Variants in ANKAR observed in about 807,000 individuals in gnomAD.
The protein encoded by ANKAR is ankyrin and armadillo repeat-containing protein.
Under a neutral mutation model 146.2 loss-of-function variants are expected in ANKAR, and 136 were observed. That is an observed-to-expected ratio of 0.93 (90% CI 0.81 to 1.07). The LOEUF is 1.07. Among genes scored for constraint, ANKAR ranks in the 50% least tolerant of loss-of-function variants. ANKAR has a pLI of 0.00. For missense variants in ANKAR, 1,567 were observed against 1,679.9 expected, an observed-to-expected ratio of 0.93 and a Z score of 1.18; for synonymous variants, 500 against 575.8, an observed-to-expected ratio of 0.87 and a Z score of 1.88.
At chr2:189,759,852 C>G (rs989554273) in intron 18 of ANKAR, among the ~76,000 whole-genome samples, 3 of 152,094 alleles carry the variant, frequency 2.0e-5, no homozygotes, top group African/African-American at 7.2e-5. Flanking sequence ...AGAAGGTCAG[C>G]AGATAAACAT....
intron 4 of ANKAR, chr2:189,692,860 G>T: frequency 3.2e-6 from 1 of 314,004 alleles, no homozygotes; most frequent in Non-Finnish European, 5.9e-6. Context: ...AATTGTTATT[G>T]CTTTTCTACC....
chr2:189,704,213 C>T (rs892101123), intron 7 of ANKAR, among the ~76,000 whole-genome samples: 2 of 150,988 alleles, frequency 1.3e-5, no homozygotes, highest in Non-Finnish European at 2.9e-5. Context: ...ATGATCTCTG[C>T]TCACTACAAC....
intron 2 of ANKAR, 30 bp downstream of exon 2, chr2:189,677,121 T>A: frequency 7.0e-7 from 1 of 1,428,336 alleles, no homozygotes; most frequent in South Asian, 1.5e-5. Context: ...CTTAAATTTT[T>A]TTTTTTTTTT....
intron 19 of ANKAR, among the ~76,000 whole-genome samples, 167 bp from the exon 20 acceptor site, chr2:189,741,175 T>TG (rs759923605): frequency 1.2e-4 from 18 of 152,230 alleles, no homozygotes; most frequent in Non-Finnish European, 2.4e-4. Context: ...ACTGTAATTT[T>TG]GGGGAGTTTA....
rs766643526 is a variant in ANKAR at position 189,689,942 on chromosome 2, T to G, written c.1017T>G (p.Ser339Arg). 3 of 1,523,770 alleles carry G rather than the reference T, an allele frequency of 2.0e-6. No homozygotes were observed. The East Asian group carries it at 6.9e-5, about 35-fold the overall frequency. 94.4% of individuals were successfully genotyped at this position (1,523,770 alleles called of 1,614,324 possible). The change falls in exon 3 of 23, where the codon AGT becomes AGG. Residue 339 changes from serine to arginine, a missense_variant. Physicochemically the swap from Ser to Arg is moderately radical, Grantham distance 110 (BLOSUM62 -1). Transcript: ENST00000684021. ...AGAAAATGAAAGTTCCATATTTAAG[T>G]AGTCTGCTTCAGCCTTTTTCAGGTA... ...LKKKMKVPYLSSLLQPFSDDK... is the reference protein window; with the variant it reads ...LKKKMKVPYLRSLLQPFSDDK...
intron 18 of ANKAR, among the ~76,000 whole-genome samples, chr2:189,758,960 T>C (rs2046526601): frequency 6.6e-6 from 1 of 152,196 alleles, no homozygotes; most frequent in Non-Finnish European, 1.5e-5. Flanking sequence ...CAGGAAAAAC[T>C]GAAAGGACTG....
intron 17 of ANKAR, among the ~76,000 whole-genome samples, chr2:189,735,488 T>C (rs911495423): frequency 1.6e-4 from 24 of 152,220 alleles, no homozygotes; most frequent in Non-Finnish European, 1.0e-4. Context: ...ACTGAACAAC[T>C]ATCCTTCATT....
chr2:189,754,717 A>T (rs2045822043), intron 18 of ANKAR: 1 of 225,480 alleles, frequency 4.4e-6, no homozygotes, highest in Non-Finnish European at 8.0e-6. Flanking sequence ...GTTTTCCTAT[A>T]TATGGCAGTA....
At chr2:189,731,994 C>T (rs540811901) in intron 16 of ANKAR, among the ~76,000 whole-genome samples, 5 of 152,316 alleles carry the variant, frequency 3.3e-5, no homozygotes, top group African/African-American at 1.2e-4. Flanking sequence ...GCCACCACAT[C>T]TGGTGCATTC....
chr2:189,703,709 G>C (rs2038420100), intron 7 of ANKAR, among the ~76,000 whole-genome samples: 1 of 152,158 alleles, frequency 6.6e-6, no homozygotes, highest in Non-Finnish European at 1.5e-5. Context: ...TGGATATTAG[G>C]ACAATGAGAA....
At position 189,730,577 on chromosome 2, in the gene ANKAR, A is replaced by AGTTG; in HGVS notation, c.3276_3277insGTTG (p.Asn1093ValfsTer7). On this transcript the variant is annotated frameshift_variant, in exon 16 of 23. Coordinates refer to ENST00000684021, the MANE Select transcript of ANKAR (RefSeq NM_001378068.1). LOFTEE classifies it high-confidence loss of function. ...TTCCAGTACTTATCCAACTACTAAGAAATCACCCTTCTCCTAACATTAAGG... is the reference window on the plus strand; with the variant it reads ...TTCCAGTACTTATCCAACTACTAAGAGTTGAATCACCCTTCTCCTAACATTAAGG... 4 of 1,591,756 alleles carry AGTTG rather than the reference A, an allele frequency of 2.5e-6. No individual in the cohort carries two copies. Among genetic ancestry groups the AGTTG allele is most frequent in the Non-Finnish European group, 2.6e-6 (3 of 1,164,446 alleles).
Position 189,737,700 on chromosome 2 carries a change from A to C in ANKAR, c.3441A>C (p.Ala1147=). Residue 1147 remains alanine (A), a synonymous_variant, in exon 18 of 23, where the codon GCA becomes GCC. Transcript: ENST00000684021. ...ATTTTTAGGATATTTGCTTAAGAGC[A>C]GGCTATGCATTAACACTTTTTGCCT... is the stretch of plus-strand genomic sequence containing the variant. ...HSTEKDICLR[A]GYALTLFAFN... is the part of the protein sequence containing the mutation. 6.3e-7 allele frequency: 1 copy of C among 1,590,494 alleles called. No individual in the cohort carries two copies. The highest frequency in any genetic ancestry group is 8.5e-7 in the Non-Finnish European group (1 of 1,173,922).
At chr2:189,728,526 C>A in intron 14 of ANKAR, 106 bp downstream of exon 14, 1 of 1,465,994 alleles carries the variant, frequency 6.8e-7, no homozygotes, top group Non-Finnish European at 9.2e-7. Flanking sequence ...CAGCCTCAAA[C>A]CCCTGGGCTC....
At chr2:189,746,326 T>G in intron 22 of ANKAR, 54 bp from the exon 23 acceptor site, 154 of 1,505,606 alleles carry the variant, frequency 1.0e-4, no homozygotes, top group Middle Eastern at 2.5e-4. Context: ...GTAGAAGTAA[T>G]GAGACTATAC....
intron 4 of ANKAR, chr2:189,692,765 A>G (rs891478563): frequency 6.8e-5 from 17 of 249,152 alleles, no homozygotes; most frequent in African/African-American, 3.6e-4. Flanking sequence ...ATTTTCCTCA[A>G]AGAATCAGGA....
chr2:189,714,874 A>T (rs2040204686), intron 10 of ANKAR, among the ~76,000 whole-genome samples: 1 of 144,492 alleles, frequency 6.9e-6, no homozygotes, highest in Non-Finnish European at 1.5e-5. Context: ...TGAACCCCGG[A>T]GGCGGAGCTT....
chr2:189,739,834 T>G (rs1032741346), intron 19 of ANKAR, among the ~76,000 whole-genome samples: 1 of 152,126 alleles, frequency 6.6e-6, no homozygotes, highest in Non-Finnish European at 1.5e-5. Context: ...AGTGCTGGGA[T>G]TACAGGTATG....
chr2:189,740,073 G>A (rs2043187008), intron 19 of ANKAR, among the ~76,000 whole-genome samples: 1 of 152,156 alleles, frequency 6.6e-6, no homozygotes, highest in African/African-American at 2.4e-5. Flanking sequence ...TTGGTGTCAA[G>A]TTGACATGGT....
intron 8 of ANKAR, among the ~76,000 whole-genome samples, 170 bp from the exon 9 acceptor site, chr2:189,706,768 A>T (rs2039007354): frequency 6.6e-6 from 1 of 152,242 alleles, no homozygotes; most frequent in African/African-American, 2.4e-5. Flanking sequence ...TAAGGATGGC[A>T]TGGCAAAGGA....
Sources: gnomAD v4.1 joint callset for allele counts (sites outside exome capture counted in the v4.1 genomes callset) on GRCh38, gnomAD v4.1.1 for gene constraint, MANE v1.5 for transcripts, NCBI Gene and HGNC (gene_info 2026-07-23, HGNC 2026-07-21) for gene names.